ASPSCR1: variants seen among roughly 807,000 people sequenced by gnomAD.
The protein encoded by ASPSCR1 is tether containing UBX domain for GLUT4.
Under a neutral mutation model 68.9 loss-of-function variants are expected in ASPSCR1, and 55 were observed. The ratio of observed to expected loss-of-function variants is 0.80; its 90% CI spans 0.64 to 1.00. The LOEUF is 1.00. Among genes scored for constraint, ASPSCR1 ranks in the 50% least tolerant of loss-of-function variants. The pLI is 0.00. For synonymous variants in ASPSCR1, 352 were observed against 332.6 expected (o/e 1.06, Z -0.63); for missense variants, 765 against 762.2 (o/e 1.00, Z -0.04).
chr17:81,981,243 G>C (rs75578065), intron 2 of ASPSCR1, among the ~76,000 whole-genome samples: 2 of 152,174 alleles, frequency 1.3e-5, no homozygotes, highest in South Asian at 4.1e-4. Context: ...TTAGGGAAGA[G>C]AGCCTGCAGA....
intron 7 of ASPSCR1, among the ~76,000 whole-genome samples, chr17:82,003,732 G>A (rs947138244): frequency 2.0e-5 from 3 of 152,206 alleles, no homozygotes; most frequent in African/African-American, 4.8e-5. Flanking sequence ...GCCTGTCCAC[G>A]CCGGTCGCAG....
In ASPSCR1 at chr17:81,996,708, T is replaced by C; in HGVS notation, c.795T>C (p.Ser265=). The C allele has an allele frequency of 6.2e-7, 1 of 1,613,590 alleles. No individual in the cohort carries two copies. Among genetic ancestry groups the C allele is most frequent in the Non-Finnish European group, 8.5e-7 (1 of 1,179,992 alleles). The change falls in exon 7 of 16, where the codon TCT becomes TCC. Residue 265 remains serine, a synonymous_variant. Transcript: ENST00000306739. The part of the protein sequence containing the change: ...PPGPTRPLTS[S]SAKLPKSLSS... ...GGCCCACGAGGCCTCTGACATCATC[T>C]TCAGCTAAGTTGCCGAAGTCCCTCT...
chr17:81,989,988 A>C (rs1478411623), intron 4 of ASPSCR1, among the ~76,000 whole-genome samples: 1 of 152,040 alleles, frequency 6.6e-6, no homozygotes, highest in African/African-American at 2.4e-5. Context: ...ACAGGGTTTC[A>C]CCATGTTGGC....
At chr17:81,993,481 G>T (rs1229944716) in intron 4 of ASPSCR1, among the ~76,000 whole-genome samples, 1 of 152,146 alleles carries the variant, frequency 6.6e-6, no homozygotes, top group African/African-American at 2.4e-5. Flanking sequence ...CCAAAGTGCT[G>T]GGATTACAGG....
rs767117214 is a variant in ASPSCR1 at position 81,994,808 on chromosome 17, C to G, written c.375-13C>G. 8.1e-6 allele frequency: 13 copies of G among 1,612,952 alleles called. No homozygotes were observed. The South Asian group carries it at 1.3e-4, about 16-fold the overall frequency. ...CCCTGGGGTACCTGATGGTTTCTTT[C>G]CTCTCCTCCCAGGGAGTGCCTGCAG... On this transcript the variant is annotated splice_polypyrimidine_tract_variant and intron_variant, in intron 4 of 15. Transcript: ENST00000306739.
At chr17:81,978,024 G>T (rs2041665802) in intron 1 of ASPSCR1, 1 of 231,286 alleles carries the variant, frequency 4.3e-6, no homozygotes, top group East Asian at 8.8e-5. Context: ...AGTACTCGGC[G>T]CCCGGCCGAG....
chr17:81,994,495 C>G (rs937326036), intron 4 of ASPSCR1, among the ~76,000 whole-genome samples: 27 of 152,210 alleles, frequency 1.8e-4, no homozygotes, highest in Admixed American at 1.8e-3. Flanking sequence ...GCTGCTCGCC[C>G]CTCCTGTGCG....
intron 1 of ASPSCR1, among the ~76,000 whole-genome samples, 159 bp from the exon 2 acceptor site, chr17:81,979,025 T>G (rs1452650346): frequency 6.6e-6 from 1 of 152,110 alleles, no homozygotes; most frequent in Non-Finnish European, 1.5e-5. Flanking sequence ...GAGCCTGCAT[T>G]TGTTGCGGGG....
intron 12 of ASPSCR1, chr17:82,015,291 C>T (rs1417500082): frequency 6.3e-7 from 1 of 1,598,228 alleles, no homozygotes. Flanking sequence ...TCCACCATCC[C>T]CTCGTCCGAG....
chr17:82,016,483 T>C lies in ASPSCR1; in HGVS notation c.1361T>C (p.Leu454Pro). 6.5e-7 allele frequency: 1 copy of C among 1,548,024 alleles called. No individual in the cohort carries two copies. Among genetic ancestry groups the C allele is most frequent in the Non-Finnish European group, 8.7e-7 (1 of 1,146,900 alleles). The change falls in exon 13 of 16, where the codon CTC becomes CCC. Residue 454 changes from leucine (L) to proline (P), a missense_variant. Physicochemically the swap from Leu to Pro is moderately conservative, Grantham distance 98. Transcript: ENST00000306739. ...CCCCCGCCCTCCCTGCAGGCGAACC[T>C]CTTCCCGGCCGCTCTGGTGCACTTG... Reference protein sequence around the residue: ...DHTQTLFQANLFPAALVHLGA... With the variant: ...DHTQTLFQANPFPAALVHLGA...
In ASPSCR1 at chr17:81,987,025, C is replaced by T. The variant is rs573406777; in HGVS notation, c.374+1418C>T. Among the ~76,000 whole-genome samples the T allele has an allele frequency of 6.6e-6, 1 of 152,120 alleles. No individual in the cohort carries two copies. The highest frequency in any genetic ancestry group is 2.1e-4 in the South Asian group (1 of 4,828). ...AGACAACAGTGACGGAGCCTAAGAG[C>T]AAAGCCAAAGCCACGGGCAGGGGTG... On this transcript the variant is annotated intron_variant, in intron 4 of 15. Transcript: ENST00000306739. This position sits in a 1 kb window ranked among gnomAD's most constrained non-coding sequence, Gnocchi z 5.6.
intron 4 of ASPSCR1, 63 bp from the exon 5 acceptor site, chr17:81,994,758 G>C: frequency 2.0e-6 from 3 of 1,525,716 alleles, no homozygotes; most frequent in Non-Finnish European, 2.7e-6. Context: ...CCTGCCCCAG[G>C]GCCTCCGTGG....
Position 81,987,195 on chromosome 17 carries a change from A to G in ASPSCR1, c.374+1588A>G, listed in dbSNP as rs1260398915. ...GGGTGAGCGGGACCCGAGGCAGGAG[A>G]TGACGGAGCCTGAGAGCAAAGCGAA... On this transcript the variant is annotated intron_variant, in intron 4 of 15. Coordinates refer to ENST00000306739, the MANE Select transcript of ASPSCR1 (RefSeq NM_024083.4). The surrounding 1 kb of genome is among the most constrained non-coding windows in gnomAD (Gnocchi z 5.6). Among the ~76,000 whole-genome samples the G allele has an allele frequency of 2.1e-5, 3 of 141,496 alleles. No individual in the cohort carries two copies. The highest frequency in any genetic ancestry group is 4.6e-5 in the Non-Finnish European group (3 of 65,092). The allele number at this position is 141,496 out of a possible 152,430, so 92.8% of individuals were successfully genotyped here. A position where few individuals can be genotyped will look rare whatever the true frequency, so the allele number is the denominator to read the frequency against.
chr17:82,015,136 G>A (rs748611772), intron 12 of ASPSCR1: 13 of 1,598,176 alleles, frequency 8.1e-6, no homozygotes. Flanking sequence ...CGGTGCCTGG[G>A]ACCAGAGCAG....
In ASPSCR1 at chr17:81,985,622, G is replaced by A; in HGVS notation, c.374+15G>A. 1 of 1,608,428 alleles carries A rather than the reference G, an allele frequency of 6.2e-7. No homozygotes were observed. Among genetic ancestry groups the A allele is most frequent in the Non-Finnish European group, 8.5e-7 (1 of 1,175,188 alleles). ...CCACAGATCAGGTGAGCATCAGTGG[G>A]CTGGGGGCTCTTCCCTACCCTGTTT... On this transcript the variant is annotated intron_variant, in intron 4 of 15. Transcript: ENST00000306739.
At position 81,985,539 on chromosome 17, in the gene ASPSCR1, G is replaced by A. The variant is rs144660143; in HGVS notation, c.306G>A (p.Ser102=). 5,945 of 1,614,060 alleles carry A rather than the reference G, an allele frequency of 3.7e-3. 36 individuals are homozygous for A. Among genetic ancestry groups the A allele is most frequent in the Non-Finnish European group, 3.9e-3 (4,636 of 1,180,022 alleles). ...VRIALQLDDG[S]RLQDSFCSGQ... is the part of the protein sequence containing the mutation. ...TCGCTTTGCAGCTGGACGATGGCTC[G>A]AGGTTGCAGGACTCTTTCTGTTCAG... Residue 102 remains serine, a synonymous_variant, in exon 4 of 16, where the codon TCG becomes TCA. Transcript: ENST00000306739.
In ASPSCR1 at chr17:82,015,267, T is replaced by A. The variant is rs772964503; in HGVS notation, c.1354-1209T>A. On this transcript the variant is annotated intron_variant, in intron 12 of 15. Coordinates refer to ENST00000306739, the MANE Select transcript of ASPSCR1 (RefSeq NM_024083.4). ...TGGTCAGCCTCCATGCCACCCAGTC[T>A]GCCGACCCTCCTCTCCACCATCCCC... The A allele has an allele frequency of 8.1e-6, 13 of 1,598,168 alleles. No individual in the cohort carries two copies. In the South Asian group the frequency reaches 1.4e-4, roughly 18 times the overall value.
chr17:82,014,461 C>T (rs2144102860), intron 12 of ASPSCR1: 1 of 156,546 alleles, frequency 6.4e-6, no homozygotes. Context: ...CTTCTCTCTC[C>T]CGGGCACCGT....
rs2043163969 is a variant in ASPSCR1, at chr17:82,017,132, A to C, written c.1648+19A>C. The C allele has an allele frequency of 2.5e-6, 4 of 1,575,282 alleles. No individual in the cohort carries two copies. The highest frequency in any genetic ancestry group is 3.4e-6 in the Non-Finnish European group (4 of 1,163,022). On this transcript the variant is annotated intron_variant, in intron 15 of 15. Transcript: ENST00000306739. ...CTGCCGGGTACTGCGGCTGGGTGGA[A>C]GGTGGGGTGCTGTGGCCGGGTGGAG...
Sources: allele counts gnomAD v4.1 joint callset (sites outside exome capture counted in the v4.1 genomes callset), GRCh38; gene constraint gnomAD v4.1.1; non-coding constraint Gnocchi (gnomAD v3.1); transcripts MANE v1.5; gene names NCBI Gene and HGNC (gene_info 2026-07-23, HGNC 2026-07-21).